Variants in TRPM8 observed in about 807,000 individuals in gnomAD.
TRPM8 encodes transient receptor potential cation channel subfamily M member 8, also known as TRPM8 cationic channel.
A neutral mutation model predicts 133.7 loss-of-function variants in TRPM8; 110 were observed. The observed-to-expected ratio is 0.82, with a 90% confidence interval of 0.70 to 0.96. The LOEUF (loss-of-function observed/expected upper bound fraction) is 0.96. Ranked by LOEUF, TRPM8 falls within the 40% of genes least tolerant of loss-of-function variation. The pLI is 0.00. For missense variants in TRPM8, 1,291 were observed against 1,379.5 expected, an observed-to-expected ratio of 0.94 and a Z score of 1.02; for synonymous variants, 535 against 532.3, an observed-to-expected ratio of 1.01 and a Z score of -0.07.
chr2:233,980,070 A>G (rs1254107730), intron 17 of TRPM8, 118 bp from the exon 18 acceptor site: 3 of 737,880 alleles, frequency 4.1e-6, no homozygotes, highest in Non-Finnish European at 2.3e-6. Context: ...GAAAGAATAA[A>G]CAAACACGTC....
intron 13 of TRPM8, among the ~76,000 whole-genome samples, chr2:233,963,754 T>C (rs2125189325): frequency 6.6e-6 from 1 of 152,378 alleles, no homozygotes; most frequent in East Asian, 1.9e-4. Flanking sequence ...ATTTTCCTTG[T>C]GATTTAGCAT....
chr2:233,983,478 A>G, intron 20 of TRPM8: 1 of 485,938 alleles, frequency 2.1e-6, no homozygotes, highest in South Asian at 2.1e-5. Flanking sequence ...ATTTTCAATT[A>G]ACAATGTGGC....
At position 233,983,115 on chromosome 2, in the gene TRPM8, C is replaced by T. The variant is rs750509543; in HGVS notation, c.2652C>T (p.Ala884=). The change falls in exon 20 of 26, where the codon GCC becomes GCT. Residue 884 remains alanine (A), a synonymous_variant. Coordinates refer to ENST00000324695, the MANE Select transcript of TRPM8 (RefSeq NM_024080.5). ...FAVWMVAFGV[A]RQGILRQNEQ... ...TGTGGATGGTGGCCTTTGGCGTGGC[C>T]AGGCAAGGGATCCTTAGGCAGAATG... 1 of 1,614,124 alleles carries T rather than the reference C, an allele frequency of 6.2e-7. No individual in the cohort carries two copies. The highest frequency in any genetic ancestry group is 8.5e-7 in the Non-Finnish European group (1 of 1,180,004).
In TRPM8 at chr2:234,018,862, A is replaced by AAATG. The variant is rs1693023924; in HGVS notation, c.*1609_*1610insGAAT. Reference sequence around the variant, plus strand: ...TCCGACTGAAAATAAATAAATAAATAAATAAATAAATAAATAAATATTATG... The same window carrying AAATG: ...TCCGACTGAAAATAAATAAATAAATAAATGAATAAATAAATAAATAAATATTATG... On this transcript the variant is annotated 3_prime_UTR_variant, in exon 26 of 26. Coordinates refer to ENST00000324695, the MANE Select transcript of TRPM8 (RefSeq NM_024080.5). The AAATG allele has an allele frequency of 6.6e-6, 1 of 151,088 alleles. No individual in the cohort carries two copies. The highest frequency in any genetic ancestry group is 6.6e-5 in the Admixed American group (1 of 15,142). The allele number at this position is 151,088 out of a possible 1,614,324, so 9.4% of individuals were successfully genotyped here.
intron 5 of TRPM8, among the ~76,000 whole-genome samples, chr2:233,941,978 A>T (rs1690914631): frequency 6.6e-6 from 1 of 151,614 alleles, no homozygotes; most frequent in South Asian, 2.1e-4. Context: ...TGTCCATAAG[A>T]GTCCTCTAGA....
At chr2:234,006,791 T>TTGGCCAGCA in intron 22 of TRPM8, 62 bp from the exon 23 acceptor site, 1 of 1,284,380 alleles carries the variant, frequency 7.8e-7, no homozygotes. Context: ...TAGAAGATCT[T>TTGGCCAGCA]AATTTAGGAA....
chr2:233,974,852 T>A (rs1350051639), intron 17 of TRPM8, among the ~76,000 whole-genome samples: 2 of 150,570 alleles, frequency 1.3e-5, no homozygotes, highest in Non-Finnish European at 3.0e-5. Context: ...GGGAAATGAG[T>A]CATGAGCACA....
intron 21 of TRPM8, among the ~76,000 whole-genome samples, chr2:233,996,091 AT>A (rs1372187856): frequency 5.4e-5 from 8 of 147,948 alleles, no homozygotes; most frequent in Non-Finnish European, 1.0e-4. Flanking sequence ...TTTTTTTGTG[AT>A]TAAAAAAAAA....
At chr2:233,964,811 G>T in intron 14 of TRPM8, 54 bp downstream of exon 14, 1 of 1,533,180 alleles carries the variant, frequency 6.5e-7, no homozygotes, top group Admixed American at 1.7e-5. Context: ...ATGTGGCACA[G>T]ACATTGCCAG....
intron 1 of TRPM8, among the ~76,000 whole-genome samples, chr2:233,925,618 G>A (rs1691499122): frequency 6.6e-6 from 1 of 152,278 alleles, no homozygotes; most frequent in East Asian, 1.9e-4. Context: ...CAGAGACAAC[G>A]CGAGAGCCTT....
chr2:233,991,567 G>C (rs903470953), intron 21 of TRPM8, among the ~76,000 whole-genome samples: 1 of 152,130 alleles, frequency 6.6e-6, no homozygotes, highest in African/African-American at 2.4e-5. Flanking sequence ...GTTTGGAGGA[G>C]GTGTCCATCT....
At chr2:234,014,529 TTAAGA>T (rs774799337) in intron 24 of TRPM8, 28 bp from the exon 25 acceptor site, 1 of 1,433,880 alleles carries the variant, frequency 7.0e-7, no homozygotes, top group South Asian at 1.3e-5. Flanking sequence ...AAAATTTATC[TTAAGA>T]TGAGTTCTAT....
chr2:233,982,382 C>T (rs1000971960), intron 19 of TRPM8, among the ~76,000 whole-genome samples: 4 of 152,146 alleles, frequency 2.6e-5, no homozygotes, highest in Non-Finnish European at 4.4e-5. Context: ...GTTATATACA[C>T]GCAATAGAAA....
intron 6 of TRPM8, among the ~76,000 whole-genome samples, chr2:233,943,485 G>T (rs1037694144): frequency 6.6e-6 from 1 of 152,128 alleles, no homozygotes; most frequent in Non-Finnish European, 1.5e-5. Flanking sequence ...ACCAAACACT[G>T]CATGTTCTCA....
chr2:234,003,504 C>T (rs1692620135), intron 22 of TRPM8, among the ~76,000 whole-genome samples: 2 of 152,118 alleles, frequency 1.3e-5, no homozygotes, highest in African/African-American at 4.8e-5. Context: ...AACATGGCAC[C>T]CAGATACTAG....
intron 2 of TRPM8, among the ~76,000 whole-genome samples, chr2:233,928,282 TC>T (rs1479052914): frequency 6.6e-6 from 1 of 152,046 alleles, no homozygotes; most frequent in Non-Finnish European, 1.5e-5. Context: ...GCTGACTCTT[TC>T]TTGAGCCTGC....
At chr2:233,987,378 C>T (rs145120225) in intron 21 of TRPM8, among the ~76,000 whole-genome samples, 3 of 152,300 alleles carry the variant, frequency 2.0e-5, no homozygotes, top group Non-Finnish European at 2.9e-5. Flanking sequence ...AATGATCACA[C>T]ATTACATTCA....
chr2:234,009,339 G>A (rs1024519831), intron 24 of TRPM8, among the ~76,000 whole-genome samples: 20 of 152,188 alleles, frequency 1.3e-4, no homozygotes, highest in Non-Finnish European at 2.6e-4. Context: ...TTCGGAGGGA[G>A]CTAATGGAAA....
chr2:234,017,565 CT>C lies in TRPM8; in HGVS notation c.*314del. ...AGTTTAAGTGTGTTCTTACCGCCTC[CT>C]TTTTCCTTTAATCTTATTTTTGATG... On this transcript the variant is annotated 3_prime_UTR_variant, in exon 26 of 26. Transcript: ENST00000324695. The C allele has an allele frequency of 1.0e-5, 3 of 299,354 alleles. No individual in the cohort carries two copies. Among genetic ancestry groups the C allele is most frequent in the South Asian group, 3.0e-5 (1 of 33,178 alleles). 18.5% of individuals were successfully genotyped at this position (299,354 alleles called of 1,614,324 possible). A position where few individuals can be genotyped will look rare whatever the true frequency, so the allele number is the denominator to read the frequency against.
Sources: allele counts gnomAD v4.1 joint callset (sites outside exome capture counted in the v4.1 genomes callset), GRCh38; gene constraint gnomAD v4.1.1; transcripts MANE v1.5; gene names NCBI Gene and HGNC (gene_info 2026-07-23, HGNC 2026-07-21).